Variants in CDS2 observed in about 807,000 individuals in gnomAD.
CDS2 encodes CDP-diacylglycerol synthase 2, also known as phosphatidate cytidylyltransferase 2.
A neutral mutation model predicts 59.0 loss-of-function variants in CDS2; 47 were observed. That is an observed-to-expected ratio of 0.80 (90% CI 0.63 to 1.02). CDS2 has a LOEUF of 1.02. Among genes scored for constraint, CDS2 ranks in the 50% least tolerant of loss-of-function variants. The pLI is 0.00. For missense variants in CDS2, 356 were observed against 558.9 expected (o/e 0.64, Z 3.66); for synonymous variants, 207 against 206.4 (o/e 1.00, Z -0.02).
intron 4 of CDS2, 50 bp from the exon 5 acceptor site, chr20:5,178,767 C>T (rs780459325): frequency 2.5e-6 from 4 of 1,606,066 alleles, no homozygotes; most frequent in Non-Finnish European, 3.4e-6. Context: ...GACTGCCTTG[C>T]TGTGAAGGCA....
chr20:5,135,765 A>G (rs1247492348), intron 1 of CDS2, among the ~76,000 whole-genome samples: 1 of 152,156 alleles, frequency 6.6e-6, no homozygotes, highest in African/African-American at 2.4e-5. Flanking sequence ...GTTAAACTTT[A>G]TGGTGTTATT....
At chr20:5,155,100 C>T (rs2090823147) in intron 1 of CDS2, among the ~76,000 whole-genome samples, 1 of 152,248 alleles carries the variant, frequency 6.6e-6, no homozygotes, top group Non-Finnish European at 1.5e-5. Context: ...CCTGGCAGCA[C>T]CTTTGCTGCT....
rs757803716 is a variant in CDS2 at position 5,189,826 on chromosome 20, C to G, written c.1193C>G (p.Ala398Gly). The change falls in exon 12 of 13, where the codon GCC (alanine) becomes GGC (glycine). Residue 398 changes from alanine to glycine, a missense_variant. Ala to Gly is a moderately conservative substitution (Grantham distance 60). Transcript: ENST00000460006. Reference sequence around the variant, plus strand: ...GCCACCTTTGTCAATGTATACATCGCCAGTTTTATCAGGTATAGTACCTTT... The same window carrying G: ...GCCACCTTTGTCAATGTATACATCGGCAGTTTTATCAGGTATAGTACCTTT... ...LMATFVNVYIASFIRGPNPSK... is the reference protein window; with the variant it reads ...LMATFVNVYIGSFIRGPNPSK... The G allele has an allele frequency of 6.2e-7, 1 of 1,612,610 alleles. No individual in the cohort carries two copies. The highest frequency in any genetic ancestry group is 2.2e-5 in the East Asian group (1 of 44,878).
rs749291521 is a variant in CDS2 at position 5,183,161 on chromosome 20, G to A, written c.671+18G>A. On this transcript the variant is annotated intron_variant, in intron 7 of 12. Coordinates refer to ENST00000460006, the MANE Select transcript of CDS2 (RefSeq NM_003818.4). The stretch of plus-strand genomic sequence containing the variant: ...ATGATCTGGTGAGAATTGGGAGTTG[G>A]ATTTTCCCTTTTATTTTGTGAGTGT... 6.2e-7 allele frequency: 1 copy of A among 1,605,700 alleles called. No homozygotes were observed. The highest frequency in any genetic ancestry group is 2.2e-5 in the East Asian group (1 of 44,830).
chr20:5,136,816 G>T (rs1413328722), intron 1 of CDS2, among the ~76,000 whole-genome samples: 3 of 152,026 alleles, frequency 2.0e-5, no homozygotes, highest in Non-Finnish European at 4.4e-5. Flanking sequence ...TAGGTTCAGG[G>T]GATACATGTG....
chr20:5,156,964 A>G (rs1420721640), intron 1 of CDS2, among the ~76,000 whole-genome samples: 3 of 152,150 alleles, frequency 2.0e-5, no homozygotes, highest in African/African-American at 7.2e-5. Context: ...GCTCTGATGA[A>G]TCAGGTCTAA....
rs1345912633 is a variant in CDS2 at position 5,178,941 on chromosome 20, A to G, written c.514A>G (p.Thr172Ala). The part of the protein sequence containing the change: ...LSKYHRFISF[T>A]LYLIGFCMFV... ...TAAATACCACCGGTTCATTTCCTTT[A>G]CTCTCTATCTAATAGGTATGCATTA... Residue 172 changes from threonine to alanine, a missense_variant, in exon 5 of 13, where the codon ACT becomes GCT. Coordinates refer to ENST00000460006, the MANE Select transcript of CDS2 (RefSeq NM_003818.4). 7.4e-6 allele frequency: 12 copies of G among 1,613,770 alleles called. No homozygotes were observed. The highest frequency in any genetic ancestry group is 1.0e-5 in the Non-Finnish European group (12 of 1,179,894).
At chr20:5,137,250 T>C (rs1282318208) in intron 1 of CDS2, among the ~76,000 whole-genome samples, 2 of 68,450 alleles carry the variant, frequency 2.9e-5, no homozygotes, top group Non-Finnish European at 8.2e-5. Flanking sequence ...TTTCTACCCT[T>C]TTTTTTTTTT....
At chr20:5,162,897 A>G (rs1472063583) in intron 1 of CDS2, among the ~76,000 whole-genome samples, 2 of 152,202 alleles carry the variant, frequency 1.3e-5, no homozygotes, top group African/African-American at 4.8e-5. Flanking sequence ...GCCAAGATAT[A>G]TGATAAGATG....
In CDS2 at chr20:5,192,807, C is replaced by T. The variant is rs546260234; in HGVS notation, c.*2573C>T. The stretch of plus-strand genomic sequence containing the variant: ...TTTCCAACTTGTATCCCTACATTCT[C>T]ACAACAGCCTTCTTACCTCGGGTGA... On this transcript the variant is annotated 3_prime_UTR_variant, in exon 13 of 13. Transcript: ENST00000460006. 2.0e-5 allele frequency: 3 copies of T among 152,254 alleles called. No individual in the cohort carries two copies. The highest frequency in any genetic ancestry group is 4.4e-5 in the Non-Finnish European group (3 of 68,088). The allele number at this position is 152,254 out of a possible 1,614,324, so 9.4% of individuals were successfully genotyped here.
chr20:5,179,432 T>C (rs768950950), intron 5 of CDS2, among the ~76,000 whole-genome samples: 4 of 152,204 alleles, frequency 2.6e-5, no homozygotes, highest in Non-Finnish European at 5.9e-5. Context: ...TTGTAGGAGC[T>C]CTTTTAAGAG....
rs2091158604 is a variant in CDS2, at chr20:5,196,502, G to A, written c.*6268G>A. Reference sequence around the variant, plus strand: ...TTGCCTGCATAAAGCACTCAGAAGGGTTAGCCACCTGGTGATTTTGTCTCT... The same window carrying A: ...TTGCCTGCATAAAGCACTCAGAAGGATTAGCCACCTGGTGATTTTGTCTCT... On this transcript the variant is annotated 3_prime_UTR_variant, in exon 13 of 13. Coordinates refer to ENST00000460006, the MANE Select transcript of CDS2 (RefSeq NM_003818.4). 1 of 152,180 alleles carries A rather than the reference G, an allele frequency of 6.6e-6. No homozygotes were observed. The highest frequency in any genetic ancestry group is 6.5e-5 in the Admixed American group (1 of 15,280). The allele number at this position is 152,180 out of a possible 1,614,324, so 9.4% of individuals were successfully genotyped here.
intron 3 of CDS2, 135 bp from the exon 4 acceptor site, chr20:5,176,513 G>A: frequency 1.5e-6 from 1 of 681,190 alleles, no homozygotes; most frequent in Non-Finnish European, 2.7e-6. Flanking sequence ...GAGGAAGAAG[G>A]AGGGAAGCAG....
intron 1 of CDS2, among the ~76,000 whole-genome samples, chr20:5,127,620 A>G (rs1334749493): frequency 1.3e-5 from 2 of 152,146 alleles, no homozygotes; most frequent in Non-Finnish European, 2.9e-5. Flanking sequence ...TGGGAGATGT[A>G]AATCCCTTCT....
intron 1 of CDS2, among the ~76,000 whole-genome samples, chr20:5,157,312 A>G (rs895422252): frequency 1.3e-5 from 2 of 152,180 alleles, no homozygotes; most frequent in African/African-American, 4.8e-5. Context: ...GTTTGGAAGT[A>G]AAGAGGGGGA....
chr20:5,142,137 G>A (rs1465849392), intron 1 of CDS2, among the ~76,000 whole-genome samples: 1 of 152,144 alleles, frequency 6.6e-6, no homozygotes, highest in East Asian at 1.9e-4. Context: ...AATAGAGTGA[G>A]ACCCTATCTC....
rs1012809407 is a variant in CDS2 at position 5,196,461 on chromosome 20, C to G, written c.*6227C>G. On this transcript the variant is annotated 3_prime_UTR_variant, in exon 13 of 13. Coordinates refer to ENST00000460006, the MANE Select transcript of CDS2 (RefSeq NM_003818.4). ...GCATTGGGCAGGGCCTAGCCTTTTG[C>G]AGCCCCCAGAGGACCTTGCCTGCAT... 9.2e-5 allele frequency: 14 copies of G among 152,216 alleles called. No individual in the cohort carries two copies. Among genetic ancestry groups the G allele is most frequent in the African/African-American group, 3.4e-4 (14 of 41,454 alleles). The allele number at this position is 152,216 out of a possible 1,614,324, so 9.4% of individuals were successfully genotyped here. A position where few individuals can be genotyped will look rare whatever the true frequency, so the allele number is the denominator to read the frequency against.
At chr20:5,186,628 G>A in intron 9 of CDS2, 59 bp from the exon 10 acceptor site, 1 of 1,592,442 alleles carries the variant, frequency 6.3e-7, no homozygotes, top group Non-Finnish European at 8.6e-7. Context: ...AGGTGCCTGT[G>A]TCTGGGCTGG....
intron 1 of CDS2, among the ~76,000 whole-genome samples, chr20:5,138,437 C>G (rs2090665892): frequency 6.6e-6 from 1 of 152,018 alleles, no homozygotes; most frequent in Admixed American, 6.5e-5. Flanking sequence ...GTTCTCAGTT[C>G]TGTTCTATTT....
Sources: allele counts gnomAD v4.1 joint callset (sites outside exome capture counted in the v4.1 genomes callset), GRCh38; gene constraint gnomAD v4.1.1; transcripts MANE v1.5; gene names NCBI Gene and HGNC (gene_info 2026-07-23, HGNC 2026-07-21).